The following ASTN2 variants were observed in gnomAD, a reference collection of about 807,000 sequenced individuals.
ASTN2 encodes astrotactin-2.
ASTN2 carries 54 observed loss-of-function variants against 139.8 expected under a neutral mutation model. The observed-to-expected ratio is 0.39, with a 90% CI of 0.31 to 0.48. The LOEUF (loss-of-function observed/expected upper bound fraction) is 0.48, where lower values mean the gene tolerates loss of function less well. Among genes scored for constraint, ASTN2 ranks in the 20% least tolerant of loss-of-function variants. ASTN2 has a pLI of 0.95. For synonymous variants in ASTN2, 756 were observed against 719.5 expected (o/e 1.05, Z -0.81); for missense variants, 1,565 against 1,725.1 (o/e 0.91, Z 1.64).
At chr9:116,797,271 T>C (rs10983352) in intron 13 of ASTN2, among the ~76,000 whole-genome samples, 34,683 of 152,170 alleles carry the variant, frequency 0.23, 4,522 homozygotes, top group Middle Eastern at 0.36. Context: ...TCAATTATAC[T>C]TTAATAAAGT....
chr9:117,182,082 G>A (rs560524839), intron 3 of ASTN2, among the ~76,000 whole-genome samples: 23 of 152,172 alleles, frequency 1.5e-4, no homozygotes, highest in South Asian at 4.1e-4. Flanking sequence ...TGTTCCCCCC[G>A]ATTAATGGGG....
intron 2 of ASTN2, among the ~76,000 whole-genome samples, chr9:117,225,183 C>T (rs1277733961): frequency 6.6e-6 from 1 of 152,074 alleles, no homozygotes; most frequent in Non-Finnish European, 1.5e-5. Context: ...AAATGCCTCT[C>T]TAAGGGCAGG....
intron 1 of ASTN2, among the ~76,000 whole-genome samples, chr9:117,339,036 G>A (rs1002274124): frequency 5.3e-5 from 8 of 152,072 alleles, no homozygotes; most frequent in African/African-American, 1.9e-4. Flanking sequence ...TGTAGACCTG[G>A]GCTGCTGCTT....
intron 6 of ASTN2, among the ~76,000 whole-genome samples, chr9:117,032,660 A>G (rs1032031908): frequency 6.6e-5 from 10 of 152,208 alleles, no homozygotes; most frequent in Middle Eastern, 3.2e-3. Flanking sequence ...CTAACAGCAC[A>G]AAGTCATGCA....
At chr9:117,396,714 C>T (rs762461834) in intron 1 of ASTN2, among the ~76,000 whole-genome samples, 33 of 151,930 alleles carry the variant, frequency 2.2e-4, no homozygotes, top group Non-Finnish European at 4.6e-4. Context: ...TACAGGTATG[C>T]ACCACCATGC....
rs1833521732 is a variant in ASTN2, at chr9:117,251,038, CAAG to C, written c.631-36299_631-36297del. Among the ~76,000 whole-genome samples, 3 of 152,098 alleles carry C rather than the reference CAAG, an allele frequency of 2.0e-5. No homozygotes were observed. The South Asian group carries it at 6.2e-4, about 32-fold the overall frequency. On this transcript the variant is annotated intron_variant, in intron 2 of 22. Transcript: ENST00000313400. ...GCCACAGGTGAGGCTGAATCAAGAA[CAAG>C]AAGGAGTGGGAGCGCAAATGGTTCT... is the stretch of plus-strand genomic sequence containing the variant.
At chr9:116,782,867 C>T (rs1027110751) in intron 13 of ASTN2, among the ~76,000 whole-genome samples, 1 of 152,214 alleles carries the variant, frequency 6.6e-6, no homozygotes, top group Non-Finnish European at 1.5e-5. Context: ...CCCATGTGGG[C>T]TTGCCCTGGT....
intron 11 of ASTN2, among the ~76,000 whole-genome samples, chr9:116,822,131 G>T (rs376352783): frequency 6.6e-6 from 1 of 151,166 alleles, no homozygotes; most frequent in African/African-American, 2.4e-5. Context: ...CCATGCCATC[G>T]TCCTAAACAA....
intron 19 of ASTN2, among the ~76,000 whole-genome samples, chr9:116,522,374 T>A (rs540516446): frequency 6.6e-6 from 1 of 152,214 alleles, no homozygotes; most frequent in African/African-American, 2.4e-5. Flanking sequence ...GTGACTTGGA[T>A]GGAATTGGAG....
chr9:116,679,440 G>A (rs948491668), intron 16 of ASTN2, among the ~76,000 whole-genome samples: 1 of 152,074 alleles, frequency 6.6e-6, no homozygotes, highest in Admixed American at 6.6e-5. Context: ...ACTGGCGTAT[G>A]TTCCGAAATT....
At chr9:116,964,244 TGTGTGTGTGTGTGC>T (rs1410577090) in intron 10 of ASTN2, among the ~76,000 whole-genome samples, 2 of 134,030 alleles carry the variant, frequency 1.5e-5, no homozygotes, top group Admixed American at 7.6e-5. Flanking sequence ...TGTGTGTGTG[TGTGTGTGTGTGTGC>T]GCGCGCGCGC....
At chr9:116,729,123 T>G (rs1442064697) in intron 14 of ASTN2, 27 bp from the exon 15 acceptor site, 7 of 1,531,270 alleles carry the variant, frequency 4.6e-6, no homozygotes, top group Non-Finnish European at 6.2e-6. Context: ...GATGGTCACG[T>G]GAGCCCAGAA....
At chr9:116,647,020 A>T (rs934109540) in intron 17 of ASTN2, among the ~76,000 whole-genome samples, 1 of 152,118 alleles carries the variant, frequency 6.6e-6, no homozygotes, top group Admixed American at 6.5e-5. Context: ...TTCTACCAGC[A>T]ATGTTCTCAT....
At chr9:117,148,667 A>G (rs879833713) in intron 3 of ASTN2, among the ~76,000 whole-genome samples, 8 of 152,188 alleles carry the variant, frequency 5.3e-5, no homozygotes, top group South Asian at 2.1e-4. Flanking sequence ...TTGTGCGCCA[A>G]TTTACTAAAC....
intron 17 of ASTN2, among the ~76,000 whole-genome samples, chr9:116,648,398 C>T (rs1290117569): frequency 6.6e-6 from 1 of 152,104 alleles, no homozygotes; most frequent in East Asian, 1.9e-4. Context: ...TCCCAAAGTG[C>T]TGGGATTACA....
chr9:116,635,601 G>A (rs955198743), intron 17 of ASTN2, among the ~76,000 whole-genome samples: 1 of 152,106 alleles, frequency 6.6e-6, no homozygotes, highest in Admixed American at 6.6e-5. Flanking sequence ...CACTGTAGAG[G>A]GATGAGAAGA....
chr9:116,710,147 T>C (rs1828108227), intron 16 of ASTN2, among the ~76,000 whole-genome samples: 1 of 152,114 alleles, frequency 6.6e-6, no homozygotes, highest in African/African-American at 2.4e-5. Context: ...CCAGATAATA[T>C]ATGAGAACCT....
rs536804961 is a variant in ASTN2, at chr9:117,240,881, T to C, written c.631-26139A>G. Among the ~76,000 whole-genome samples the C allele has an allele frequency of 2.0e-5, 3 of 152,138 alleles. No homozygotes were observed. The East Asian group carries it at 5.8e-4, about 29-fold the overall frequency. On this transcript the variant is annotated intron_variant, in intron 2 of 22. Transcript: ENST00000313400. Reference sequence around the variant, plus strand: ...CTTTTTCACACTCCACACCTTATGTTCTCGGCACTCATTTTCTGCATATTT... The same window carrying C: ...CTTTTTCACACTCCACACCTTATGTCCTCGGCACTCATTTTCTGCATATTT...
At chr9:116,652,896 G>C (rs1287643883) in intron 16 of ASTN2, among the ~76,000 whole-genome samples, 2 of 152,018 alleles carry the variant, frequency 1.3e-5, no homozygotes, top group Non-Finnish European at 1.5e-5. Flanking sequence ...CTGTGCCTTT[G>C]CTCACTCTGT....
Sources: gnomAD v4.1 joint callset for allele counts (sites outside exome capture counted in the v4.1 genomes callset) on GRCh38, gnomAD v4.1.1 for gene constraint, MANE v1.5 for transcripts, NCBI Gene and HGNC (gene_info 2026-07-23, HGNC 2026-07-21) for gene names.